The following SLC20A2 variants were observed in gnomAD, a reference collection of about 807,000 sequenced individuals.
SLC20A2 encodes solute carrier family 20 member 2.
A neutral mutation model predicts 61.0 loss-of-function variants in SLC20A2; 30 were observed. That is an observed-to-expected ratio of 0.49 (90% CI 0.37 to 0.67). SLC20A2 has a LOEUF of 0.67. Ranked by LOEUF, SLC20A2 falls within the 30% of genes least tolerant of loss-of-function variation. SLC20A2 has a pLI of 0.00. For synonymous variants in SLC20A2, 351 were observed against 353.3 expected (o/e 0.99, Z 0.07); for missense variants, 626 against 866.4 (o/e 0.72, Z 3.48).
intron 1 of SLC20A2, among the ~76,000 whole-genome samples, chr8:42,486,861 ATTATTT>A (rs1297837452): frequency 5.3e-5 from 8 of 151,860 alleles, no homozygotes; most frequent in East Asian, 1.9e-4. Flanking sequence ...ATTACTACAG[ATTATTT>A]TTATTTTTAT....
At chr8:42,500,626 TTGTAGCACA>T (rs1563528348) in intron 1 of SLC20A2, among the ~76,000 whole-genome samples, 1 of 152,250 alleles carries the variant, frequency 6.6e-6, no homozygotes, top group African/African-American at 2.4e-5. Flanking sequence ...CAAAATAAAC[TTGTAGCACA>T]GAGTATAACA....
chr8:42,528,494 T>C (rs1386207949), intron 1 of SLC20A2, among the ~76,000 whole-genome samples: 5 of 151,826 alleles, frequency 3.3e-5, no homozygotes, highest in Non-Finnish European at 5.9e-5. Context: ...AGAATATGCA[T>C]TTATAAAACA....
At chr8:42,455,435 C>T (rs1277837389) in intron 5 of SLC20A2, among the ~76,000 whole-genome samples, 1 of 151,472 alleles carries the variant, frequency 6.6e-6, no homozygotes, top group Non-Finnish European at 1.5e-5. Flanking sequence ...CTGAGGCGGG[C>T]AGATCATGAG....
At chr8:42,446,201 A>G (rs1805202533) in intron 5 of SLC20A2, among the ~76,000 whole-genome samples, 1 of 152,248 alleles carries the variant, frequency 6.6e-6, no homozygotes, top group East Asian at 1.9e-4. Flanking sequence ...ACAGTGCAGA[A>G]AAACTTTTCA....
intron 1 of SLC20A2, among the ~76,000 whole-genome samples, chr8:42,479,387 C>A (rs566347101): frequency 6.6e-6 from 1 of 152,078 alleles, no homozygotes; most frequent in South Asian, 2.1e-4. Context: ...GATCTGTGAC[C>A]CCAAAGTCAA....
At chr8:42,501,459 A>G (rs1374399740), upstream of SLC20A2, 1 of 152,288 alleles carries the variant, frequency 6.6e-6, no homozygotes, top group Non-Finnish European at 1.5e-5. Flanking sequence ...ATTTTTAAGC[A>G]CATTCAAATC....
chr8:42,505,212 G>A (rs1014261558), upstream of SLC20A2, among the ~76,000 whole-genome samples: 17 of 151,778 alleles, frequency 1.1e-4, no homozygotes, highest in South Asian at 1.0e-3. Flanking sequence ...AGGCTCAAGC[G>A]ATCCTCCCAC....
intron 1 of SLC20A2, among the ~76,000 whole-genome samples, chr8:42,498,179 ATAATAG>A (rs1810066775): frequency 1.3e-5 from 2 of 152,164 alleles, no homozygotes; most frequent in Non-Finnish European, 2.9e-5. Context: ...CCACATAATA[ATAATAG>A]TTTTAGGTGC....
In SLC20A2 at chr8:42,437,351, G is replaced by A; in HGVS notation, c.1161C>T (p.Thr387=). ...YRLLRRNNSY[T]CYTAAICGLP... ...GCCCACAAATGGCTGCGGTGTAGCA[G>A]GTGTAACTGTTGTTTCGGCGCAGCA... Residue 387 remains threonine, a synonymous_variant, in exon 8 of 11, where the codon ACC becomes ACT. Coordinates refer to ENST00000520262, the MANE Select transcript of SLC20A2 (RefSeq NM_001257180.2). The surrounding 1 kb of genome is among the most constrained non-coding windows in gnomAD (Gnocchi z 6.4). 6.2e-7 allele frequency: 1 copy of A among 1,614,192 alleles called. No homozygotes were observed. The highest frequency in any genetic ancestry group is 2.2e-5 in the East Asian group (1 of 44,860).
intron 1 of SLC20A2, among the ~76,000 whole-genome samples, chr8:42,536,775 T>A (rs944328510): frequency 7.2e-5 from 11 of 152,090 alleles, no homozygotes; most frequent in African/African-American, 2.7e-4. Flanking sequence ...AAAAAGTGAA[T>A]CAAGATTCTA....
intron 1 of SLC20A2, among the ~76,000 whole-genome samples, chr8:42,485,686 A>T (rs538383932): frequency 4.7e-4 from 69 of 146,302 alleles, no homozygotes; most frequent in Non-Finnish European, 7.2e-4. Flanking sequence ...GGTGGCTCAC[A>T]CCTGTAATCC....
intron 1 of SLC20A2, among the ~76,000 whole-genome samples, chr8:42,493,347 A>G (rs539687061): frequency 1.3e-5 from 2 of 152,336 alleles, no homozygotes; most frequent in Admixed American, 6.5e-5. Flanking sequence ...GTGCTCTCAC[A>G]TGTAGTGAAC....
At position 42,430,047 on chromosome 8, in the gene SLC20A2, C is replaced by A. The variant is rs748722263; in HGVS notation, c.1709+17G>T. The stretch of plus-strand genomic sequence containing the variant: ...GATGACAAGACCTGCCCTGCTCGTC[C>A]ACCAGCCCAGGCTTACCTGGACGGC... On this transcript the variant is annotated intron_variant, in intron 9 of 10. Coordinates refer to ENST00000520262, the MANE Select transcript of SLC20A2 (RefSeq NM_001257180.2). The A allele has an allele frequency of 3.1e-6, 5 of 1,594,530 alleles. No individual in the cohort carries two copies.
At chr8:42,439,916 C>T (rs1804636807) in intron 6 of SLC20A2, among the ~76,000 whole-genome samples, 1 of 151,940 alleles carries the variant, frequency 6.6e-6, no homozygotes, top group Admixed American at 6.6e-5. Context: ...GAAACCCCGT[C>T]TCTACTAAAA....
At chr8:42,459,258 A>AAC (rs1563482780) in intron 5 of SLC20A2, among the ~76,000 whole-genome samples, 15 of 150,152 alleles carry the variant, frequency 1.0e-4, no homozygotes, top group Non-Finnish European at 1.9e-4. Flanking sequence ...AAAAAAAAAA[A>AAC]ACATAAAAAA....
At chr8:42,450,407 T>C (rs1011781956) in intron 5 of SLC20A2, among the ~76,000 whole-genome samples, 1 of 152,062 alleles carries the variant, frequency 6.6e-6, no homozygotes, top group Non-Finnish European at 1.5e-5. Context: ...TTTGTATTTT[T>C]AGTAGAGATG....
intron 2 of SLC20A2, among the ~76,000 whole-genome samples, chr8:42,470,138 G>T (rs1260006263): frequency 1.3e-5 from 2 of 151,408 alleles, no homozygotes; most frequent in South Asian, 2.1e-4. Flanking sequence ...ACTATGCTGA[G>T]ATATACATAT....
At chr8:42,541,776 G>GCCCGC (rs1302074255) in intron 1 of SLC20A2, 2 of 147,494 alleles carry the variant, frequency 1.4e-5, no homozygotes, top group South Asian at 2.1e-4. Context: ...GCCCCGCGCC[G>GCCCGC]CCCGCCCCGC....
chr8:42,465,917 C>T lies in SLC20A2; in HGVS notation c.290G>A (p.Gly97Asp). The T allele has an allele frequency of 1.2e-6, 2 of 1,608,718 alleles. No individual in the cohort carries two copies. The highest frequency in any genetic ancestry group is 1.7e-6 in the Non-Finnish European group (2 of 1,178,654). ...LMAGEVSAMV[G>D]SAVWQLIASF... ...AGCAATCAGCTGCCACACAGCGGAA[C>T]CTACAGATTGAAGGACAAAAAACCA... is the stretch of plus-strand genomic sequence containing the variant. Residue 97 changes from glycine to aspartate, a missense_variant and splice_region_variant, in exon 3 of 11, where the codon GGT becomes GAT. By Grantham distance (94) the Gly-to-Asp change is moderately conservative. Coordinates refer to ENST00000520262, the MANE Select transcript of SLC20A2 (RefSeq NM_001257180.2).
Sources: allele counts gnomAD v4.1 joint callset (sites outside exome capture counted in the v4.1 genomes callset), GRCh38; gene constraint gnomAD v4.1.1; non-coding constraint Gnocchi (gnomAD v3.1); transcripts MANE v1.5; gene names NCBI Gene and HGNC (gene_info 2026-07-23, HGNC 2026-07-21).